Variants in TRMT1L observed in about 807,000 individuals in gnomAD.
The protein encoded by TRMT1L is tRNA (guanine(27)-N(2))-dimethyltransferase.
In TRMT1L, 28 loss-of-function variants were observed where a neutral mutation model predicts 81.6. The ratio of observed to expected loss-of-function variants is 0.34; its 90% confidence interval spans 0.25 to 0.47. The LOEUF (loss-of-function observed/expected upper bound fraction) is 0.47. TRMT1L is among the 20% of genes least tolerant of loss of function. TRMT1L has a pLI of 1.00. For synonymous variants in TRMT1L, 301 were observed against 303.2 expected (o/e 0.99, Z 0.07); for missense variants, 739 against 877.1 (o/e 0.84, Z 1.99).
chr1:185,154,783 G>A (rs955165189), intron 1 of TRMT1L, among the ~76,000 whole-genome samples: 6 of 152,170 alleles, frequency 3.9e-5, no homozygotes, highest in Non-Finnish European at 8.8e-5. Context: ...TCACCTTCTG[G>A]TTTAAGATAG....
chr1:185,132,365 A>G (rs1652792247), intron 10 of TRMT1L, among the ~76,000 whole-genome samples: 1 of 151,908 alleles, frequency 6.6e-6, no homozygotes, highest in South Asian at 2.1e-4. Context: ...TAAAAAATAC[A>G]AAAGTTAGCT....
Position 185,144,594 on chromosome 1 carries a change from C to T in TRMT1L, c.656-565G>A, listed in dbSNP as rs10911685. On this transcript the variant is annotated intron_variant, in intron 5 of 14. Coordinates refer to ENST00000367506, the MANE Select transcript of TRMT1L (RefSeq NM_030934.5). Reference sequence around the variant, plus strand: ...ACAAAGTAATGAAAAAATGATTTTACATTTAGTATGTTAGAATCATTTAGC... The same window carrying T: ...ACAAAGTAATGAAAAAATGATTTTATATTTAGTATGTTAGAATCATTTAGC... Among the ~76,000 whole-genome samples the T allele has an allele frequency of 5.0e-3, 760 of 151,958 alleles. 14 individuals are homozygous for T. In the East Asian group the frequency reaches 0.059, roughly 12 times the overall value.
chr1:185,144,092 C>T (rs774098692), intron 5 of TRMT1L, 63 bp from the exon 6 acceptor site: 217 of 1,404,016 alleles, frequency 1.5e-4, no homozygotes, highest in Non-Finnish European at 2.0e-4. Context: ...AAAAGATTTC[C>T]AAGAAAACAC....
chr1:185,142,555 C>T (rs1226825722), intron 7 of TRMT1L, among the ~76,000 whole-genome samples: 4 of 151,376 alleles, frequency 2.6e-5, no homozygotes, highest in Non-Finnish European at 5.9e-5. Flanking sequence ...CACTTTATTC[C>T]ACTGTCTAAA....
intron 7 of TRMT1L, among the ~76,000 whole-genome samples, chr1:185,141,394 T>C (rs1434403596): frequency 2.0e-5 from 3 of 152,152 alleles, no homozygotes; most frequent in Non-Finnish European, 4.4e-5. Context: ...TTAGCTTTAA[T>C]GACTTCAGAT....
chr1:185,131,546 AAT>A (rs1354110559), intron 10 of TRMT1L, among the ~76,000 whole-genome samples: 1 of 152,136 alleles, frequency 6.6e-6, no homozygotes, highest in Non-Finnish European at 1.5e-5. Context: ...TCCCTGAAAC[AAT>A]ATGACACTAT....
At chr1:185,131,730 C>T (rs556197832) in intron 10 of TRMT1L, among the ~76,000 whole-genome samples, 45 of 152,028 alleles carry the variant, frequency 3.0e-4, no homozygotes, top group African/African-American at 1.0e-3. Context: ...AGAGATGAAC[C>T]GTATAGATAT....
chr1:185,130,139 C>G (rs1652732436), intron 10 of TRMT1L, among the ~76,000 whole-genome samples: 1 of 152,158 alleles, frequency 6.6e-6, no homozygotes, highest in Admixed American at 6.5e-5. Flanking sequence ...AGCAAATTTC[C>G]TCTCTGAGGG....
At chr1:185,155,388 G>A (rs531441348) in intron 1 of TRMT1L, among the ~76,000 whole-genome samples, 1 of 152,148 alleles carries the variant, frequency 6.6e-6, no homozygotes, top group South Asian at 2.1e-4. Flanking sequence ...GCCTTATTTT[G>A]TACCTACAAG....
At chr1:185,148,310 C>A (rs773532095) in intron 3 of TRMT1L, among the ~76,000 whole-genome samples, 1 of 152,100 alleles carries the variant, frequency 6.6e-6, no homozygotes, top group African/African-American at 2.4e-5. Context: ...TTTCTGGTTC[C>A]GGCCTTCTTT....
At chr1:185,157,182 A>C (rs7536309), upstream of TRMT1L, 234 of 160,924 alleles carry the variant, frequency 1.5e-3, no homozygotes, top group African/African-American at 5.2e-3. Context: ...GGTAGTGCGG[A>C]TGCGGGCGCA....
Position 185,120,413 on chromosome 1 carries a change from C to G in TRMT1L, c.1919G>C (p.Arg640Thr). The G allele has an allele frequency of 6.2e-7, 1 of 1,600,624 alleles. No homozygotes were observed. The highest frequency in any genetic ancestry group is 8.5e-7 in the Non-Finnish European group (1 of 1,174,442). ...CATATTCATTCCTTTAATGCTGTGT[C>G]TGTGAATGTTGTAATAAAAGGGAGG... is the stretch of plus-strand genomic sequence containing the variant. ...EHPPFYYNIH[R>T]HSIKGMNMPK... The change falls in exon 14 of 15, where the codon AGA becomes ACA. Residue 640 changes from arginine (R) to threonine (T), a missense_variant. Physicochemically the swap from Arg to Thr is moderately conservative, Grantham distance 71. Transcript: ENST00000367506.
chr1:185,156,595 C>T lies in TRMT1L; in HGVS notation c.118G>A (p.Asp40Asn), dbSNP rs1253786086. Reference sequence around the variant, plus strand: ...GTCGGAGCCGAGTCCAGAGCCGAATCCGGGGCCGGAGCTGGGACCCCAGCC... The same window carrying T: ...GTCGGAGCCGAGTCCAGAGCCGAATTCGGGGCCGGAGCTGGGACCCCAGCC... ...DSAGVPAPAP[D>N]SALDSAPTPA... is the part of the protein sequence containing the mutation. The change falls in exon 1 of 15, where the codon GAT becomes AAT. Residue 40 changes from aspartate (D) to asparagine (N), a missense_variant. Asp to Asn is a conservative substitution (Grantham distance 23). Around this residue, in one of 4 missense-constraint regions of TRMT1L, gnomAD observed 209 missense variants for 165.4 expected, o/e 1.26. Coordinates refer to ENST00000367506, the MANE Select transcript of TRMT1L (RefSeq NM_030934.5). The T allele has an allele frequency of 1.9e-6, 3 of 1,597,728 alleles. No individual in the cohort carries two copies.
chr1:185,146,370 A>C (rs1371766372), intron 4 of TRMT1L, among the ~76,000 whole-genome samples: 1 of 152,018 alleles, frequency 6.6e-6, no homozygotes, highest in Non-Finnish European at 1.5e-5. Context: ...GACTGCTCCA[A>C]TGGCTCTTTC....
In TRMT1L at chr1:185,119,863, C is replaced by T; in HGVS notation, c.*156G>A. 1.1e-6 allele frequency: 1 copy of T among 927,988 alleles called. No individual in the cohort carries two copies. The highest frequency in any genetic ancestry group is 1.5e-6 in the Non-Finnish European group (1 of 658,400). 57.5% of individuals were successfully genotyped at this position (927,988 alleles called of 1,614,324 possible). A position where few individuals can be genotyped will look rare whatever the true frequency, so the allele number is the denominator to read the frequency against. On this transcript the variant is annotated 3_prime_UTR_variant, in exon 15 of 15. Coordinates refer to ENST00000367506, the MANE Select transcript of TRMT1L (RefSeq NM_030934.5). ...AAACTTGGAAAGCAAAGCTCCCAAA[C>T]CAGCTAAGTTAGAAACTGCTCAGTT...
intron 10 of TRMT1L, among the ~76,000 whole-genome samples, chr1:185,134,564 T>C (rs1652852009): frequency 6.6e-6 from 1 of 152,254 alleles, no homozygotes; most frequent in African/African-American, 2.4e-5. Context: ...CATACTTGTT[T>C]ATTCTAAGTT....
At chr1:185,121,900 T>C (rs946279817) in intron 13 of TRMT1L, among the ~76,000 whole-genome samples, 6 of 152,048 alleles carry the variant, frequency 3.9e-5, no homozygotes, top group Admixed American at 3.9e-4. Context: ...GCAGTGGGCA[T>C]AGTACCCAAC....
At chr1:185,140,667 A>T (rs184463467) in intron 7 of TRMT1L, among the ~76,000 whole-genome samples, 317 of 151,870 alleles carry the variant, frequency 2.1e-3, no homozygotes, top group Non-Finnish European at 2.7e-3. Flanking sequence ...GCACAATAGC[A>T]TTGTTGTGAA....
Position 185,139,356 on chromosome 1 carries a change from C to T in TRMT1L, c.1322+11G>A. 1 of 1,609,140 alleles carries T rather than the reference C, an allele frequency of 6.2e-7. No homozygotes were observed. Among genetic ancestry groups the T allele is most frequent in the East Asian group, 2.2e-5 (1 of 44,788 alleles). On this transcript the variant is annotated intron_variant, in intron 9 of 14. Coordinates refer to ENST00000367506, the MANE Select transcript of TRMT1L (RefSeq NM_030934.5). ...TGAAACACACTAAGTACACTGTTGG[C>T]AATTTGGTACCTTGCCACTGCAGCT...
Sources: gnomAD v4.1 joint callset for allele counts (sites outside exome capture counted in the v4.1 genomes callset) on GRCh38, gnomAD v4.1.1 for gene constraint, gnomAD v4.1.1 regional missense constraint, MANE v1.5 for transcripts, NCBI Gene and HGNC (gene_info 2026-07-23, HGNC 2026-07-21) for gene names.